Variants in TFDP1 observed in about 807,000 individuals in gnomAD.
The protein encoded by TFDP1 is DRTF1-polypeptide 1.
In TFDP1, 6 loss-of-function variants were observed where a neutral mutation model predicts 48.0. That is an observed-to-expected ratio of 0.13 (90% CI 0.07 to 0.25). TFDP1 has a LOEUF of 0.25. Among genes scored for constraint, TFDP1 ranks in the 10% least tolerant of loss-of-function variants. The pLI is 1.00. For synonymous variants in TFDP1, 201 were observed against 211.6 expected, an observed-to-expected ratio of 0.95 and a Z score of 0.44; for missense variants, 335 against 543.0, an observed-to-expected ratio of 0.62 and a Z score of 3.81.
At chr13:113,606,445 C>T (rs2048573636) in intron 2 of TFDP1, among the ~76,000 whole-genome samples, 1 of 152,174 alleles carries the variant, frequency 6.6e-6, no homozygotes, top group South Asian at 2.1e-4. Flanking sequence ...GCCGTGCCCT[C>T]TCCTGGTGGA....
At chr13:113,604,959 C>G (rs2048528565) in intron 2 of TFDP1, among the ~76,000 whole-genome samples, 1 of 152,218 alleles carries the variant, frequency 6.6e-6, no homozygotes, top group Admixed American at 6.5e-5. Context: ...AGCAGCGAGT[C>G]ATGAACTGCA....
At chr13:113,624,178 C>T (rs1594501098) in intron 4 of TFDP1, among the ~76,000 whole-genome samples, 1 of 152,156 alleles carries the variant, frequency 6.6e-6, no homozygotes, top group Non-Finnish European at 1.5e-5. Context: ...ACCTCTTGCA[C>T]CCCGGCCTCC....
At chr13:113,621,920 C>T (rs2049004573) in intron 3 of TFDP1, among the ~76,000 whole-genome samples, 1 of 152,212 alleles carries the variant, frequency 6.6e-6, no homozygotes, top group Non-Finnish European at 1.5e-5. Flanking sequence ...GCTCCTAGTC[C>T]ACCTTCATGT....
rs773891207 is a variant in TFDP1, at chr13:113,636,045, A to C, written c.756A>C (p.Pro252=). Residue 252 remains proline (P), a synonymous_variant, in exon 9 of 12, where the codon CCA becomes CCC. Coordinates refer to ENST00000375370, the MANE Select transcript of TFDP1 (RefSeq NM_007111.5). ...HAEQQASRPP[P]PNSVIHLPFI... ...AGCAGCAGGCCAGCCGGCCACCGCC[A>C]CCCAACTCAGTCATCCACCTGCCCT... The C allele has an allele frequency of 1.2e-6, 2 of 1,614,194 alleles. No individual in the cohort carries two copies. Among genetic ancestry groups the C allele is most frequent in the South Asian group, 2.2e-5 (2 of 91,086 alleles).
chr13:113,636,435 G>A (rs2049490260), intron 9 of TFDP1, 99 bp from the exon 10 acceptor site: 3 of 1,342,258 alleles, frequency 2.2e-6, no homozygotes, highest in Admixed American at 1.9e-5. Flanking sequence ...CCGGGAAGCT[G>A]TGTGTGGCGG....
In TFDP1 at chr13:113,641,103, T is replaced by G. The variant is rs1278985914; in HGVS notation, c.*836T>G. 6.6e-6 allele frequency: 1 copy of G among 152,654 alleles called. No homozygotes were observed. Among genetic ancestry groups the G allele is most frequent in the African/African-American group, 2.4e-5 (1 of 41,460 alleles). 9.5% of individuals were successfully genotyped at this position (152,654 alleles called of 1,614,324 possible). ...CTTATAAGTCTATCATTTAAAGACATGTACTGAAACAAATGTATTTGTTTC... is the reference window on the plus strand; with the variant it reads ...CTTATAAGTCTATCATTTAAAGACAGGTACTGAAACAAATGTATTTGTTTC... On this transcript the variant is annotated 3_prime_UTR_variant, in exon 12 of 12. Coordinates refer to ENST00000375370, the MANE Select transcript of TFDP1 (RefSeq NM_007111.5).
At position 113,595,260 on chromosome 13, in the gene TFDP1, C is replaced by G. The variant is rs568033771; in HGVS notation, c.12+9411C>G. Among the ~76,000 whole-genome samples, 93 of 152,248 alleles carry G rather than the reference C, an allele frequency of 6.1e-4. 1 individual carries two copies. The highest frequency in any genetic ancestry group is 1.9e-3 in the African/African-American group (78 of 41,532). On this transcript the variant is annotated intron_variant, in intron 2 of 11. Transcript: ENST00000375370. ...AATCTCTTGGCTCTGGACTGAACGC[C>G]CCTTCTTGGAGAGTGGGCCACCCCT...
intron 2 of TFDP1, among the ~76,000 whole-genome samples, chr13:113,603,274 C>T (rs2048485481): frequency 6.6e-6 from 1 of 152,216 alleles, no homozygotes; most frequent in East Asian, 1.9e-4. Flanking sequence ...CCCTCGCACC[C>T]TCCTGGGTCT....
At chr13:113,605,798 C>G (rs73577433) in intron 2 of TFDP1, among the ~76,000 whole-genome samples, 269 of 152,322 alleles carry the variant, frequency 1.8e-3, no homozygotes, top group African/African-American at 6.4e-3. Context: ...GAGAAGGTGG[C>G]ACGGTGGTGA....
rs1177649081 is a variant in TFDP1 at position 113,633,231 on chromosome 13, C to T, written c.420C>T (p.Asp140=). ...CCACTTCCTACAACGAAGTGGCAGA[C>T]GAGCTGGTTGCGGAGTTCAGTGCTG... ...KGTTSYNEVA[D]ELVAEFSAAD... Residue 140 remains aspartate, a synonymous_variant, in exon 6 of 12, where the codon GAC becomes GAT. Transcript: ENST00000375370. The surrounding 1 kb of genome is among the most constrained non-coding windows in gnomAD (Gnocchi z 4.5). 12 of 1,614,076 alleles carry T rather than the reference C, an allele frequency of 7.4e-6. No homozygotes were observed. Among genetic ancestry groups the T allele is most frequent in the Admixed American group, 1.7e-5 (1 of 60,028 alleles).
chr13:113,630,004 G>A (rs188107697), intron 4 of TFDP1, among the ~76,000 whole-genome samples: 171 of 152,296 alleles, frequency 1.1e-3, no homozygotes, highest in African/African-American at 3.6e-3. Flanking sequence ...TGGAGCTGGC[G>A]GGTTCTCAGT....
At chr13:113,621,448 A>G (rs895415612) in intron 3 of TFDP1, among the ~76,000 whole-genome samples, 7 of 152,254 alleles carry the variant, frequency 4.6e-5, no homozygotes, top group Non-Finnish European at 4.4e-5. Context: ...TAAAACAAGA[A>G]TGGTTATTCC....
chr13:113,588,818 A>T (rs1330558872), intron 2 of TFDP1, among the ~76,000 whole-genome samples: 8 of 148,766 alleles, frequency 5.4e-5, no homozygotes, highest in African/African-American at 2.0e-4. Context: ...GTGAGTGGTG[A>T]TGGTAGATTG....
chr13:113,626,820 C>T (rs1429120735), intron 4 of TFDP1, among the ~76,000 whole-genome samples: 1 of 152,160 alleles, frequency 6.6e-6, no homozygotes, highest in Non-Finnish European at 1.5e-5. Context: ...TATAAGTTGA[C>T]TAGGAATTCT....
At chr13:113,591,240 G>A (rs1238147605) in intron 2 of TFDP1, among the ~76,000 whole-genome samples, 1 of 149,368 alleles carries the variant, frequency 6.7e-6, no homozygotes. Context: ...TACTCTCGAG[G>A]CTGAGAAGGA....
intron 3 of TFDP1, among the ~76,000 whole-genome samples, chr13:113,618,302 G>A (rs1486031542): frequency 2.0e-5 from 3 of 152,142 alleles, no homozygotes; most frequent in Non-Finnish European, 2.9e-5. Flanking sequence ...CGGGTGGATC[G>A]CTTGAACTCA....
At position 113,636,658 on chromosome 13, in the gene TFDP1, G is replaced by T. The variant is rs774388120; in HGVS notation, c.964G>T (p.Ala322Ser). The T allele has an allele frequency of 1.2e-6, 2 of 1,611,268 alleles. No homozygotes were observed. The highest frequency in any genetic ancestry group is 1.4e-5 in the African/African-American group (1 of 72,330). ...GSCSAEDLKM[A>S]RSLVPKALEP... ...CTGCTCTGCCGAAGACCTTAAAATG[G>T]CCAGAAGTCTGGTCCCCAAGGCTCT... The change falls in exon 10 of 12, where the codon GCC becomes TCC. Residue 322 changes from alanine (A) to serine (S), a missense_variant. Coordinates refer to ENST00000375370, the MANE Select transcript of TFDP1 (RefSeq NM_007111.5).
At chr13:113,611,162 C>T in intron 3 of TFDP1, 100 bp downstream of exon 3, 2 of 1,178,976 alleles carry the variant, frequency 1.7e-6, no homozygotes, top group Non-Finnish European at 2.5e-6. Context: ...CTAATGATGG[C>T]ATCTCCTGCA....
At chr13:113,593,242 G>T (rs149864903) in intron 2 of TFDP1, among the ~76,000 whole-genome samples, 1 of 138,948 alleles carries the variant, frequency 7.2e-6, no homozygotes, top group Admixed American at 7.3e-5. Flanking sequence ...CTGTGCACGC[G>T]TCCTCAGCTA....
Sources: allele counts gnomAD v4.1 joint callset (sites outside exome capture counted in the v4.1 genomes callset), GRCh38; gene constraint gnomAD v4.1.1; non-coding constraint Gnocchi (gnomAD v3.1); transcripts MANE v1.5; gene names NCBI Gene and HGNC (gene_info 2026-07-23, HGNC 2026-07-21).